The following KRT40 variants were observed in gnomAD, a reference collection of about 807,000 sequenced individuals.
KRT40 encodes the protein keratin, type I cytoskeletal 40.
KRT40 carries 47 observed loss-of-function variants against 43.5 expected under a neutral mutation model. That is an observed-to-expected ratio of 1.08 (90% confidence interval 0.86 to 1.38). KRT40 has a LOEUF of 1.38. Among genes scored for constraint, KRT40 ranks in the 40% most tolerant of loss-of-function variants. The probability of loss-of-function intolerance (pLI) is 0.00; values close to 1 mark genes in which losing one functional copy is unlikely to be tolerated. For synonymous variants in KRT40, 212 were observed against 214.0 expected, an observed-to-expected ratio of 0.99 and a Z score of 0.08; for missense variants, 573 against 523.6, an observed-to-expected ratio of 1.09 and a Z score of -0.92.
rs200984682 is a variant in KRT40 at position 40,978,868 on chromosome 17, C to T, written c.1132G>A (p.Val378Met). 1,030 of 1,612,826 alleles carry T rather than the reference C, an allele frequency of 6.4e-4. 10 individuals carry two copies. Among genetic ancestry groups the T allele is most frequent in the South Asian group, 1.9e-3 (172 of 90,954 alleles). ...ATCTCACCCTCCAGCCGGGCCTTCA[C>T]GTCCAGGAGCACCTGGTACTCCTGG... ...QNQEYQVLLD[V>M]KARLEGEINT... The change falls in exon 6 of 7, where the codon GTG (valine) becomes ATG (methionine). Residue 378 changes from valine (V) to methionine (M), a missense_variant. By Grantham distance (21) the Val-to-Met change is conservative. Transcript: ENST00000377755.
chr17:40,978,144 C>A lies in KRT40; in HGVS notation c.*53G>T, dbSNP rs1911885495. On this transcript the variant is annotated 3_prime_UTR_variant, in exon 7 of 7. Coordinates refer to ENST00000377755, the MANE Select transcript of KRT40 (RefSeq NM_001389244.1). Reference sequence around the variant, plus strand: ...TGGATGTCCCTGGTTGAAGCCCCATCTCCTTTCTAGGATGCTGCTGGCTTT... The same window carrying A: ...TGGATGTCCCTGGTTGAAGCCCCATATCCTTTCTAGGATGCTGCTGGCTTT... 5 of 1,384,644 alleles carry A rather than the reference C, an allele frequency of 3.6e-6. No individual in the cohort carries two copies. Among genetic ancestry groups the A allele is most frequent in the East Asian group, 4.6e-5 (2 of 43,694 alleles). The allele number at this position is 1,384,644 out of a possible 1,614,324, so 85.8% of individuals were successfully genotyped here.
chr17:40,981,272 A>G, intron 3 of KRT40, 121 bp from the exon 4 acceptor site: 1 of 1,559,892 alleles, frequency 6.4e-7, no homozygotes, highest in South Asian at 1.1e-5. Flanking sequence ...TTTGATTCAG[A>G]TTGCCTGGGC....
Position 40,983,829 on chromosome 17 carries a change from T to C in KRT40, c.445A>G (p.Lys149Glu), listed in dbSNP as rs375577810. The C allele has an allele frequency of 1.9e-6, 3 of 1,612,800 alleles. No homozygotes were observed. In the Admixed American group the frequency reaches 5.0e-5, roughly 27 times the overall value. The stretch of plus-strand genomic sequence containing the variant: ...CACTAGGGCAACAGGACACAGACCT[T>C]TTGTTGGAGATCTTCAATGGTGTTG... ...YFNTIEDLQQ[K>E]ILCTKAENSR... is the part of the protein sequence containing the mutation. The change falls in exon 1 of 7, where the codon AAG becomes GAG. Residue 149 changes from lysine to glutamate, a missense_variant and splice_region_variant. Transcript: ENST00000377755.
upstream of KRT40, chr17:40,984,332 C>T: frequency 7.5e-7 from 1 of 1,335,644 alleles, no homozygotes; most frequent in Non-Finnish European, 1.0e-6. Flanking sequence ...GACTCCAAAA[C>T]TCTCCTCTCC....
Position 40,982,468 on chromosome 17 carries a change from C to T in KRT40, c.531-5G>A. 6.5e-7 allele frequency: 1 copy of T among 1,542,686 alleles called. No individual in the cohort carries two copies. Among genetic ancestry groups the T allele is most frequent in the East Asian group, 2.4e-5 (1 of 42,006 alleles). On this transcript the variant is annotated splice_polypyrimidine_tract_variant and splice_region_variant and intron_variant, in intron 2 of 6. Transcript: ENST00000377755. ...AGGGACAGTTCACTCTCGTACCTTT[C>T]ACAGCAAAAGAGAAATCCAACGCTT...
At chr17:40,978,719 T>C (rs1911938986) in intron 6 of KRT40, 85 bp downstream of exon 6, 1 of 1,228,034 alleles carries the variant, frequency 8.1e-7, no homozygotes, top group Non-Finnish European at 1.2e-6. Flanking sequence ...AGGTCTGAAC[T>C]TGTCCAGACT....
At position 40,978,119 on chromosome 17, in the gene KRT40, T is replaced by C; in HGVS notation, c.*78A>G. The stretch of plus-strand genomic sequence containing the variant: ...GCCTCCTGGATTTGTGCTTCCGGTT[T>C]GGATGTCCCTGGTTGAAGCCCCATC... On this transcript the variant is annotated 3_prime_UTR_variant, in exon 7 of 7. Coordinates refer to ENST00000377755, the MANE Select transcript of KRT40 (RefSeq NM_001389244.1). 9.4e-7 allele frequency: 1 copy of C among 1,067,054 alleles called. No individual in the cohort carries two copies. Among genetic ancestry groups the C allele is most frequent in the Non-Finnish European group, 1.4e-6 (1 of 692,596 alleles). 66.1% of individuals were successfully genotyped at this position (1,067,054 alleles called of 1,614,324 possible).
intron 3 of KRT40, chr17:40,981,451 A>G: frequency 1.8e-6 from 1 of 557,396 alleles, no homozygotes; most frequent in East Asian, 3.5e-5. Flanking sequence ...AATAAATGTT[A>G]GCTATGATTG....
In KRT40 at chr17:40,984,229, A is replaced by G. The variant is rs372595586; in HGVS notation, c.45T>C (p.Cys15=). The part of the protein sequence containing the change: ...CSSTHCSPES[C]GTASGCAPAS... ...CAGGTGCACAACCGGAAGCCGTGCC[A>G]CAGGACTCAGGAGAGCAGTGTGTGG... The change falls in exon 1 of 7, where the codon TGT becomes TGC. Residue 15 remains cysteine (C), a synonymous_variant. Transcript: ENST00000377755. 1.2e-5 allele frequency: 20 copies of G among 1,613,806 alleles called. No individual in the cohort carries two copies. The highest frequency in any genetic ancestry group is 1.6e-4 in the Middle Eastern group (1 of 6,082).
upstream of KRT40, chr17:40,986,435 C>T (rs1219548323): frequency 2.0e-5 from 3 of 152,214 alleles, no homozygotes. Flanking sequence ...CACACAAACC[C>T]TCTTCAGCAC....
intron 1 of KRT40, among the ~76,000 whole-genome samples, 200 bp downstream of exon 1, chr17:40,983,627 A>T (rs1229020702): frequency 1.3e-5 from 2 of 152,210 alleles, no homozygotes; most frequent in African/African-American, 2.4e-5. Context: ...ACTTTATTAT[A>T]GTCACTCAGT....
chr17:40,978,379 C>T, intron 6 of KRT40, 83 bp from the exon 7 acceptor site: 4 of 1,118,742 alleles, frequency 3.6e-6, no homozygotes, highest in Non-Finnish European at 4.1e-6. Flanking sequence ...TCAAAATTTG[C>T]CCTACAAATT....
In KRT40 at chr17:40,979,518, G is replaced by T. The variant is rs553302246; in HGVS notation, c.976-494C>A. Reference sequence around the variant, plus strand: ...CTCCGTCCAAAAAAAAAAAAAAAGAGTTAATGTGCGTAAAGCATTTAGAAC... The same window carrying T: ...CTCCGTCCAAAAAAAAAAAAAAAGATTTAATGTGCGTAAAGCATTTAGAAC... On this transcript the variant is annotated intron_variant, in intron 5 of 6. Coordinates refer to ENST00000377755, the MANE Select transcript of KRT40 (RefSeq NM_001389244.1). Among the ~76,000 whole-genome samples, 9 of 148,378 alleles carry T rather than the reference G, an allele frequency of 6.1e-5. No homozygotes were observed. In the East Asian group the frequency reaches 1.6e-3, roughly 26 times the overall value.
intron 6 of KRT40, 28 bp from the exon 7 acceptor site, chr17:40,978,324 A>C (rs2271279): frequency 0.29 from 448,122 of 1,548,572 alleles, 74,436 homozygotes; most frequent in African/African-American, 0.74. Context: ...TTCAACCAAG[A>C]TTAACAAGGG....
chr17:40,985,128 A>C (rs748152628), upstream of KRT40, among the ~76,000 whole-genome samples: 7 of 152,150 alleles, frequency 4.6e-5, no homozygotes, highest in Non-Finnish European at 8.8e-5. Context: ...TTCCTTAATG[A>C]TTATACTTCA....
chr17:40,978,795 G>A lies in KRT40; in HGVS notation c.1196+9C>T. ...TCTGGGGGATTTCATGAGTAACTGT[G>A]GAACTTGCCTGCTGTCCTCGCTGTC... On this transcript the variant is annotated intron_variant, in intron 6 of 6. Transcript: ENST00000377755. 6.2e-7 allele frequency: 1 copy of A among 1,606,948 alleles called. No homozygotes were observed. Among genetic ancestry groups the A allele is most frequent in the East Asian group, 2.2e-5 (1 of 44,812 alleles).
intron 5 of KRT40, 101 bp downstream of exon 5, chr17:40,980,684 G>C (rs896065314): frequency 7.6e-6 from 11 of 1,447,466 alleles, no homozygotes; most frequent in Admixed American, 2.3e-5. Flanking sequence ...GCAGTACTCG[G>C]GAAAGGCAAG....
At chr17:40,978,643 GTGTCA>G (rs537433880) in intron 6 of KRT40, among the ~76,000 whole-genome samples, 156 bp downstream of exon 6, 116 of 148,180 alleles carry the variant, frequency 7.8e-4, no homozygotes, top group African/African-American at 2.9e-3. Context: ...AATATCTCTA[GTGTCA>G]TGTTCTTAAC....
At chr17:40,980,337 C>T (rs1005275407) in intron 5 of KRT40, among the ~76,000 whole-genome samples, 3 of 152,252 alleles carry the variant, frequency 2.0e-5, no homozygotes, top group East Asian at 1.9e-4. Flanking sequence ...TCATCTTGAA[C>T]GCATGGTGTT....
Sources: gnomAD v4.1 joint callset for allele counts (sites outside exome capture counted in the v4.1 genomes callset) on GRCh38, gnomAD v4.1.1 for gene constraint, MANE v1.5 for transcripts, NCBI Gene and HGNC (gene_info 2026-07-23, HGNC 2026-07-21) for gene names.